The following STXBP5 variants were observed in gnomAD, a reference collection of about 807,000 sequenced individuals.
The protein encoded by STXBP5 is syntaxin binding protein 5.
In STXBP5, 50 loss-of-function variants were observed where a neutral mutation model predicts 152.4. The observed-to-expected ratio is 0.33, with a 90% CI of 0.26 to 0.42. STXBP5 has a LOEUF of 0.42. Ranked by LOEUF, STXBP5 falls within the 10% of genes least tolerant of loss-of-function variation. The probability of loss-of-function intolerance (pLI) is 1.00; values close to 1 mark genes in which losing one functional copy is unlikely to be tolerated. For missense variants in STXBP5, 1,167 were observed against 1,388.6 expected, an observed-to-expected ratio of 0.84 and a Z score of 2.54; for synonymous variants, 492 against 494.7, an observed-to-expected ratio of 0.99 and a Z score of 0.07.
At chr6:147,338,036 T>A (rs1335010844) in intron 19 of STXBP5, among the ~76,000 whole-genome samples, 1 of 152,110 alleles carries the variant, frequency 6.6e-6, no homozygotes, top group Non-Finnish European at 1.5e-5. Flanking sequence ...CCTGATTCAT[T>A]AAGATTCAGT....
At chr6:147,248,365 TTAAAG>T (rs1247122889) in intron 4 of STXBP5, among the ~76,000 whole-genome samples, 19 of 152,136 alleles carry the variant, frequency 1.2e-4, no homozygotes, top group Admixed American at 1.3e-4. Context: ...ATAGCTTACA[TTAAAG>T]TAGAGATGCA....
intron 22 of STXBP5, among the ~76,000 whole-genome samples, chr6:147,355,606 G>A (rs904164527): frequency 6.6e-5 from 10 of 152,050 alleles, no homozygotes; most frequent in Non-Finnish European, 1.5e-4. Flanking sequence ...TTTTAGACTT[G>A]GAGACAGACA....
rs959822762 is a variant in STXBP5 at position 147,267,256 on chromosome 6, G to A, written c.714+89G>A. The stretch of plus-strand genomic sequence containing the variant: ...AACTTAATTGGTAATTTTACTTTAG[G>A]CAAACTTTGTAATTGCAGTAATACA... On this transcript the variant is annotated intron_variant, in intron 7 of 27. Coordinates refer to ENST00000321680, the MANE Select transcript of STXBP5 (RefSeq NM_001127715.4). 4 of 1,065,018 alleles carry A rather than the reference G, an allele frequency of 3.8e-6. 1 individual carries two copies. Among genetic ancestry groups the A allele is most frequent in the African/African-American group, 1.6e-5 (1 of 61,766 alleles). 66.0% of individuals were successfully genotyped at this position (1,065,018 alleles called of 1,614,324 possible). A position where few individuals can be genotyped will look rare whatever the true frequency, so the allele number is the denominator to read the frequency against.
At chr6:147,357,320 C>G (rs934348112) in intron 22 of STXBP5, among the ~76,000 whole-genome samples, 3 of 152,114 alleles carry the variant, frequency 2.0e-5, no homozygotes, top group African/African-American at 7.2e-5. Flanking sequence ...ATACCTCAAG[C>G]AAAAGCCTAA....
At chr6:147,294,826 T>G (rs1453985059) in intron 9 of STXBP5, among the ~76,000 whole-genome samples, 1 of 152,176 alleles carries the variant, frequency 6.6e-6, no homozygotes, top group Non-Finnish European at 1.5e-5. Flanking sequence ...AAATATTGAT[T>G]CATGAAATTT....
intron 8 of STXBP5, among the ~76,000 whole-genome samples, chr6:147,281,722 T>A (rs972293186): frequency 6.6e-6 from 1 of 152,224 alleles, no homozygotes; most frequent in Non-Finnish European, 1.5e-5. Context: ...CTCCTACCAG[T>A]ACTTTACGAT....
chr6:147,305,304 G>A (rs963433772), intron 9 of STXBP5, among the ~76,000 whole-genome samples: 2 of 152,202 alleles, frequency 1.3e-5, no homozygotes, highest in African/African-American at 4.8e-5. Flanking sequence ...TTGGAAAGCA[G>A]TGTTCAAGGC....
chr6:147,264,809 A>C (rs1779811921), intron 6 of STXBP5, among the ~76,000 whole-genome samples: 2 of 152,056 alleles, frequency 1.3e-5, no homozygotes, highest in Non-Finnish European at 2.9e-5. Flanking sequence ...TTTGTAAAGA[A>C]AGGAATTGAA....
intron 21 of STXBP5, among the ~76,000 whole-genome samples, chr6:147,348,403 G>A (rs528969842): frequency 3.0e-4 from 44 of 147,284 alleles, no homozygotes; most frequent in African/African-American, 7.5e-4. Flanking sequence ...AGGCATGCAT[G>A]CAAAATAGAC....
At chr6:147,212,942 C>G (rs1018866086) in intron 2 of STXBP5, among the ~76,000 whole-genome samples, 3 of 152,032 alleles carry the variant, frequency 2.0e-5, no homozygotes, top group Non-Finnish European at 4.4e-5. Context: ...CAAAATTCAC[C>G]TTCTTCCTTG....
intron 19 of STXBP5, among the ~76,000 whole-genome samples, chr6:147,337,715 T>C (rs926689582): frequency 3.3e-5 from 5 of 152,006 alleles, no homozygotes; most frequent in African/African-American, 7.2e-5. Flanking sequence ...ATAACCATTA[T>C]TTAGAATTAA....
intron 26 of STXBP5, among the ~76,000 whole-genome samples, chr6:147,379,322 T>A (rs1228270263): frequency 6.6e-6 from 1 of 152,120 alleles, no homozygotes; most frequent in Non-Finnish European, 1.5e-5. Flanking sequence ...GTATTTCTTT[T>A]AATTCACTAT....
chr6:147,272,406 TAA>T (rs763317287), intron 7 of STXBP5, among the ~76,000 whole-genome samples: 2 of 152,226 alleles, frequency 1.3e-5, no homozygotes, highest in Non-Finnish European at 2.9e-5. Flanking sequence ...ATGACGGTGT[TAA>T]GTTAGGTATA....
chr6:147,256,013 T>C (rs1779344308), intron 4 of STXBP5, among the ~76,000 whole-genome samples: 1 of 152,166 alleles, frequency 6.6e-6, no homozygotes, highest in Admixed American at 6.6e-5. Context: ...ATTTTACACA[T>C]AAGAGGATTT....
At position 147,339,333 on chromosome 6, in the gene STXBP5, T is replaced by G; in HGVS notation, c.2207-4T>G. On this transcript the variant is annotated splice_polypyrimidine_tract_variant and splice_region_variant and intron_variant, in intron 20 of 27. Coordinates refer to ENST00000321680, the MANE Select transcript of STXBP5 (RefSeq NM_001127715.4). ...GACATTTTATATCAAAATATTGTTT[T>G]CAGTGAAGACCAAAAGCAGAAAGTT... The G allele has an allele frequency of 1.3e-6, 2 of 1,511,536 alleles. No homozygotes were observed. The highest frequency in any genetic ancestry group is 8.8e-7 in the Non-Finnish European group (1 of 1,135,588). The allele number at this position is 1,511,536 out of a possible 1,614,324, so 93.6% of individuals were successfully genotyped here. A position where few individuals can be genotyped will look rare whatever the true frequency, so the allele number is the denominator to read the frequency against.
At chr6:147,248,548 G>T (rs899075934) in intron 4 of STXBP5, among the ~76,000 whole-genome samples, 3 of 152,134 alleles carry the variant, frequency 2.0e-5, no homozygotes, top group Admixed American at 2.0e-4. Context: ...AGATTGTGAT[G>T]CAGCTGGAGC....
chr6:147,311,653 T>C (rs1009244359), intron 11 of STXBP5, 126 bp downstream of exon 11: 3 of 657,600 alleles, frequency 4.6e-6, no homozygotes, highest in Non-Finnish European at 7.6e-6. Flanking sequence ...TTGACCTCTT[T>C]TGAGAGCTCC....
chr6:147,222,397 C>T (rs1426669595), intron 2 of STXBP5, among the ~76,000 whole-genome samples: 2 of 152,078 alleles, frequency 1.3e-5, no homozygotes, highest in African/African-American at 4.8e-5. Flanking sequence ...GGGAAGTGTG[C>T]TATAGTCCTG....
At chr6:147,206,737 A>G (rs971673481) in intron 2 of STXBP5, among the ~76,000 whole-genome samples, 1 of 152,100 alleles carries the variant, frequency 6.6e-6, no homozygotes, top group Non-Finnish European at 1.5e-5. Flanking sequence ...GTATAGAATT[A>G]CTTTTCCTGG....
Sources: gnomAD v4.1 joint callset for allele counts (sites outside exome capture counted in the v4.1 genomes callset) on GRCh38, gnomAD v4.1.1 for gene constraint, MANE v1.5 for transcripts, NCBI Gene and HGNC (gene_info 2026-07-23, HGNC 2026-07-21) for gene names.